TIAM1: variants seen among roughly 807,000 people sequenced by gnomAD.
TIAM1 encodes TIAM Rac1 associated GEF 1.
A neutral mutation model predicts 163.5 loss-of-function variants in TIAM1; 65 were observed. That is an observed-to-expected ratio of 0.40 (90% CI 0.33 to 0.49). The LOEUF (loss-of-function observed/expected upper bound fraction) is 0.49, where lower values mean the gene tolerates loss of function less well. TIAM1 is among the 20% of genes least tolerant of loss of function. The probability of loss-of-function intolerance (pLI) is 0.77; values close to 1 mark genes in which losing one functional copy is unlikely to be tolerated. For synonymous variants in TIAM1, 833 were observed against 810.1 expected (o/e 1.03, Z -0.48); for missense variants, 1,789 against 2,044.7 (o/e 0.87, Z 2.41).
chr21:31,166,509 A>G lies in TIAM1; in HGVS notation c.2888-1444T>C, dbSNP rs1471947717. ...GGACCCCTGAGCAAACTTGGCACCA[A>G]TGCTGCCTCCTACCATCCCTTTCTT... On this transcript the variant is annotated intron_variant, in intron 15 of 27. Transcript: ENST00000541036. Among the ~76,000 whole-genome samples, 8 of 152,316 alleles carry G rather than the reference A, an allele frequency of 5.3e-5. No homozygotes were observed. In the South Asian group the frequency reaches 1.0e-3, roughly 20 times the overall value.
At chr21:31,381,233 T>C (rs1196619105) in intron 2 of TIAM1, among the ~76,000 whole-genome samples, 1 of 152,010 alleles carries the variant, frequency 6.6e-6, no homozygotes, top group East Asian at 1.9e-4. Flanking sequence ...ATCCCTAAGG[T>C]GATGGTATTT....
chr21:31,226,888 TC>T (rs1315400568), intron 6 of TIAM1, among the ~76,000 whole-genome samples: 4 of 151,806 alleles, frequency 2.6e-5, no homozygotes, highest in African/African-American at 9.7e-5. Flanking sequence ...TTGTTTTTTC[TC>T]CTTTGAAGCG....
rs138749963 is a variant in TIAM1, at chr21:31,301,878, T to A, written c.-188-24970A>T. Among the ~76,000 whole-genome samples the A allele has an allele frequency of 9.1e-3, 1,130 of 123,980 alleles. 9 individuals are homozygous for A. Among genetic ancestry groups the A allele is most frequent in the African/African-American group, 0.031 (1,035 of 33,066 alleles). The allele number at this position is 123,980 out of a possible 152,430, so 81.3% of individuals were successfully genotyped here. On this transcript the variant is annotated intron_variant, in intron 2 of 27. Transcript: ENST00000541036. ...TAAATAGATAAATAAATAAATAAAATATATATAATATATATAAAATGTGTG... is the reference window on the plus strand; with the variant it reads ...TAAATAGATAAATAAATAAATAAAAAATATATAATATATATAAAATGTGTG...
intron 12 of TIAM1, among the ~76,000 whole-genome samples, chr21:31,197,750 C>T (rs1439030201): frequency 6.6e-6 from 1 of 152,180 alleles, no homozygotes; most frequent in Non-Finnish European, 1.5e-5. Context: ...GCCTCTCACG[C>T]TAACTCCATG....
intron 3 of TIAM1, among the ~76,000 whole-genome samples, chr21:31,271,202 T>C (rs984340900): frequency 2.0e-5 from 3 of 151,418 alleles, no homozygotes; most frequent in African/African-American, 4.9e-5. Context: ...CCTGAAAGGT[T>C]GTAGGTGGTC....
chr21:31,358,412 C>T (rs2076350662), intron 2 of TIAM1, among the ~76,000 whole-genome samples: 1 of 152,240 alleles, frequency 6.6e-6, no homozygotes, highest in East Asian at 1.9e-4. Context: ...ACTGCGAATA[C>T]TTTCCACATG....
intron 2 of TIAM1, among the ~76,000 whole-genome samples, chr21:31,296,821 G>C (rs548980348): frequency 5.3e-5 from 8 of 152,062 alleles, no homozygotes; most frequent in Admixed American, 1.3e-4. Flanking sequence ...GTGCCACCAC[G>C]CCCAGCTAAT....
intron 2 of TIAM1, among the ~76,000 whole-genome samples, chr21:31,302,504 T>C (rs932088250): frequency 1.6e-4 from 24 of 152,188 alleles, no homozygotes; most frequent in Admixed American, 1.6e-3. Flanking sequence ...ACAACATAAT[T>C]GCCAAAGTAG....
At chr21:31,471,455 T>G (rs2045737913) in intron 1 of TIAM1, among the ~76,000 whole-genome samples, 1 of 142,654 alleles carries the variant, frequency 7.0e-6, no homozygotes, top group Admixed American at 6.9e-5. Flanking sequence ...GTGTTGGGAT[T>G]AGTATCAGAG....
intron 10 of TIAM1, 114 bp downstream of exon 10, chr21:31,213,284 T>C (rs2086983785): frequency 2.3e-6 from 2 of 882,796 alleles, no homozygotes; most frequent in Non-Finnish European, 3.4e-6. Context: ...AAAACTGATT[T>C]CAGTTTTTAA....
intron 2 of TIAM1, among the ~76,000 whole-genome samples, chr21:31,309,411 T>C (rs955998669): frequency 6.6e-6 from 1 of 152,158 alleles, no homozygotes; most frequent in Non-Finnish European, 1.5e-5. Flanking sequence ...GGAGCCAAGA[T>C]TGCACCACTG....
chr21:31,391,689 C>A (rs2076968172), intron 2 of TIAM1, among the ~76,000 whole-genome samples: 1 of 152,148 alleles, frequency 6.6e-6, no homozygotes, highest in South Asian at 2.1e-4. Context: ...TTTTATTTTA[C>A]AATTTGTTAC....
chr21:31,297,087 A>T (rs1006335962), intron 2 of TIAM1, among the ~76,000 whole-genome samples: 1 of 152,176 alleles, frequency 6.6e-6, no homozygotes, highest in African/African-American at 2.4e-5. Context: ...CACCCTTCCA[A>T]CTTCATGCTA....
chr21:31,148,770 T>A (rs537936218), intron 19 of TIAM1, among the ~76,000 whole-genome samples: 2 of 152,290 alleles, frequency 1.3e-5, no homozygotes, highest in Admixed American at 6.5e-5. Context: ...ACACAAAGAC[T>A]CCACTTCCCC....
rs146491211 is a variant in TIAM1, at chr21:31,128,564, G to A, written c.4046-1412C>T. 4.6e-3 allele frequency among the ~76,000 whole-genome samples: 694 copies of A among 152,228 alleles called. 2 individuals carry two copies. Among genetic ancestry groups the A allele is most frequent in the African/African-American group, 0.016 (651 of 41,532 alleles). ...AGGAACTAGATAATTCATAACCTACGATTCTAAGTAAGACTTTAGTATTTA... is the reference window on the plus strand; with the variant it reads ...AGGAACTAGATAATTCATAACCTACAATTCTAAGTAAGACTTTAGTATTTA... On this transcript the variant is annotated intron_variant, in intron 25 of 27. Coordinates refer to ENST00000541036, the MANE Select transcript of TIAM1 (RefSeq NM_001353694.2).
chr21:31,351,246 G>T (rs1415273494), intron 2 of TIAM1, among the ~76,000 whole-genome samples: 1 of 152,202 alleles, frequency 6.6e-6, no homozygotes. Context: ...TTCATCTGAA[G>T]TCAGAAGGAG....
At chr21:31,546,714 T>C (rs1037749245) in intron 1 of TIAM1, among the ~76,000 whole-genome samples, 3 of 152,190 alleles carry the variant, frequency 2.0e-5, no homozygotes, top group African/African-American at 4.8e-5. Flanking sequence ...AGGATATGCA[T>C]GTCACAGCAT....
At chr21:31,128,397 G>A (rs1216407337) in intron 25 of TIAM1, among the ~76,000 whole-genome samples, 5 of 152,120 alleles carry the variant, frequency 3.3e-5, no homozygotes, top group Non-Finnish European at 5.9e-5. Context: ...ATGGAATGTC[G>A]TATTACAAAG....
At chr21:31,310,485 T>C (rs963856542) in intron 2 of TIAM1, among the ~76,000 whole-genome samples, 7 of 152,140 alleles carry the variant, frequency 4.6e-5, no homozygotes, top group Non-Finnish European at 4.4e-5. Flanking sequence ...GGGTGAAAAA[T>C]GGCCTTGGGT....
Sources: gnomAD v4.1 joint callset for allele counts (sites outside exome capture counted in the v4.1 genomes callset) on GRCh38, gnomAD v4.1.1 for gene constraint, MANE v1.5 for transcripts, NCBI Gene and HGNC (gene_info 2026-07-23, HGNC 2026-07-21) for gene names.